Variants in CFAP47 observed in about 807,000 individuals in gnomAD.
The protein encoded by CFAP47 is cilia- and flagella-associated protein 47.
CFAP47 carries 29 observed loss-of-function variants against 148.1 expected under a neutral mutation model. The ratio of observed to expected loss-of-function variants is 0.20; its 90% CI spans 0.15 to 0.27. The LOEUF is 0.27. Ranked by LOEUF, CFAP47 falls within the 10% of genes least tolerant of loss-of-function variation. The pLI is 1.00. For synonymous variants in CFAP47, 664 were observed against 577.3 expected, an observed-to-expected ratio of 1.15 and a Z score of -2.15; for missense variants, 1,872 against 1,697.5, an observed-to-expected ratio of 1.10 and a Z score of -1.81.
chrX:35,920,600 T>C (rs1312991284), intron 1 of CFAP47, among the ~76,000 whole-genome samples: 1 of 111,603 alleles, frequency 9.0e-6, no homozygotes, highest in Non-Finnish European at 1.9e-5. Flanking sequence ...GATCTAACCA[T>C]CAAGAAAGTT....
intron 35 of CFAP47, among the ~76,000 whole-genome samples, chrX:36,141,775 T>C (rs1464449873): frequency 1.8e-5 from 2 of 109,672 alleles, no homozygotes; most frequent in Admixed American, 1.9e-4. Flanking sequence ...AGAGATTCAG[T>C]TTTGCTCAGC....
chrX:36,107,332 T>G (rs1270896250), intron 33 of CFAP47, among the ~76,000 whole-genome samples: 1 of 112,279 alleles, frequency 8.9e-6, no homozygotes, highest in Non-Finnish European at 1.9e-5. Flanking sequence ...AGGTAATCAT[T>G]GATCTAAATT....
intron 21 of CFAP47, among the ~76,000 whole-genome samples, chrX:36,010,325 G>C (rs1256890770): frequency 2.7e-5 from 3 of 110,905 alleles, no homozygotes; most frequent in African/African-American, 9.8e-5. Flanking sequence ...TTTGGATCTT[G>C]AGCCATAAGA....
intron 61 of CFAP47, among the ~76,000 whole-genome samples, chrX:36,365,442 G>A (rs185062645): frequency 1.8e-5 from 2 of 110,413 alleles, no homozygotes; most frequent in East Asian, 5.7e-4. Flanking sequence ...TACCAATAGT[G>A]GAACTCCTAA....
chrX:36,171,573 G>T (rs1939579441), intron 39 of CFAP47, among the ~76,000 whole-genome samples: 1 of 109,928 alleles, frequency 9.1e-6, no homozygotes, highest in Non-Finnish European at 1.9e-5. Flanking sequence ...CCCATTGCTT[G>T]TTTTTCTCAG....
intron 30 of CFAP47, among the ~76,000 whole-genome samples, chrX:36,092,627 T>G (rs1318811279): frequency 4.5e-5 from 5 of 110,142 alleles, no homozygotes; most frequent in Non-Finnish European, 7.6e-5. Context: ...TATTTTTTTT[T>G]TTTACTTTTT....
intron 3 of CFAP47, 71 bp from the exon 4 acceptor site, chrX:35,948,236 ATGTTGGT>A (rs1480397865): frequency 9.5e-5 from 88 of 925,109 alleles, no homozygotes; most frequent in Non-Finnish European, 1.3e-4. Context: ...TGGGTAAAGT[ATGTTGGT>A]CCCCTACTGA....
intron 22 of CFAP47, among the ~76,000 whole-genome samples, chrX:36,022,531 C>T (rs148100282): frequency 0.038 from 4,192 of 111,011 alleles, 179 homozygotes; most frequent in African/African-American, 0.12. Context: ...TTGGGAAGTT[C>T]TTTGTTATTA....
intron 6 of CFAP47, among the ~76,000 whole-genome samples, chrX:35,953,260 T>A (rs1008238727): frequency 3.6e-5 from 4 of 111,867 alleles, no homozygotes; most frequent in Non-Finnish European, 7.5e-5. Flanking sequence ...TTAATCAGAG[T>A]CCTTAGTTAG....
At position 36,085,463 on chromosome X, in the gene CFAP47, C is replaced by A. The variant is rs776556443; in HGVS notation, c.4841C>A (p.Ser1614Tyr). ...CCACCTGGAATTAATTCAAGTCAAT[C>A]TTTACCTGTAGATAACCATGAAAAA... ...KMPPGINSSQ[S>Y]LPVDNHEKRV... Residue 1614 changes from serine (S) to tyrosine (Y), a missense_variant, in exon 30 of 64, where the codon TCT becomes TAT. Ser to Tyr is a moderately radical substitution (Grantham distance 144, BLOSUM62 -2). Coordinates refer to ENST00000378653, the MANE Select transcript of CFAP47 (RefSeq NM_001304548.2). 1 of 1,206,778 alleles carries A rather than the reference C, an allele frequency of 8.3e-7. No homozygotes were observed. Among genetic ancestry groups the A allele is most frequent in the Admixed American group, 2.2e-5 (1 of 45,738 alleles).
intron 30 of CFAP47, among the ~76,000 whole-genome samples, chrX:36,086,255 A>C (rs1456431507): frequency 3.6e-5 from 4 of 112,305 alleles, no homozygotes; most frequent in Non-Finnish European, 7.5e-5. Context: ...TGGTGAATTT[A>C]CATTGCTTCT....
At chrX:36,173,754 T>C (rs1389989552) in intron 39 of CFAP47, among the ~76,000 whole-genome samples, 2 of 111,622 alleles carry the variant, frequency 1.8e-5, no homozygotes, top group African/African-American at 6.5e-5. Flanking sequence ...TGTTGGGTGG[T>C]GCTGAAAAAA....
chrX:36,172,639 G>C (rs1413894522), intron 39 of CFAP47, among the ~76,000 whole-genome samples: 12 of 110,983 alleles, frequency 1.1e-4, no homozygotes, highest in Non-Finnish European at 1.7e-4. Flanking sequence ...TTGCATCCCA[G>C]GGATGAAGCC....
chrX:36,300,236 T>G (rs1457948757), intron 52 of CFAP47, among the ~76,000 whole-genome samples: 1 of 110,678 alleles, frequency 9.0e-6, no homozygotes, highest in African/African-American at 3.3e-5. Context: ...TTAAGTGACT[T>G]TTTCAAGACT....
chrX:36,180,596 A>G (rs1232907970), intron 40 of CFAP47, among the ~76,000 whole-genome samples: 3 of 112,185 alleles, frequency 2.7e-5, no homozygotes, highest in Admixed American at 9.4e-5. Context: ...CTAAGATTAA[A>G]ATGAGTATAG....
intron 48 of CFAP47, among the ~76,000 whole-genome samples, chrX:36,249,546 G>A (rs1940665606): frequency 9.0e-6 from 1 of 111,079 alleles, no homozygotes; most frequent in Non-Finnish European, 1.9e-5. Flanking sequence ...AGAAAACACA[G>A]TCTTAGATGG....
At chrX:36,121,889 T>C (rs1417231386) in intron 33 of CFAP47, among the ~76,000 whole-genome samples, 1 of 111,351 alleles carries the variant, frequency 9.0e-6, no homozygotes, top group African/African-American at 3.3e-5. Context: ...TACCATCAGA[T>C]GATTTTTTTA....
At chrX:35,977,531 C>T (rs1936587861) in intron 15 of CFAP47, among the ~76,000 whole-genome samples, 1 of 111,050 alleles carries the variant, frequency 9.0e-6, no homozygotes, top group African/African-American at 3.3e-5. Context: ...TCTTTCCTCC[C>T]TCCTTTCATC....
intron 1 of CFAP47, among the ~76,000 whole-genome samples, chrX:35,924,942 A>G (rs1466317143): frequency 8.9e-6 from 1 of 111,825 alleles, no homozygotes; most frequent in Non-Finnish European, 1.9e-5. Flanking sequence ...AGAGAGTAGA[A>G]TGGTGGTTAC....
Sources: allele counts gnomAD v4.1 joint callset (sites outside exome capture counted in the v4.1 genomes callset), GRCh38; gene constraint gnomAD v4.1.1; transcripts MANE v1.5; gene names NCBI Gene and HGNC (gene_info 2026-07-23, HGNC 2026-07-21).